The following TATDN2 variants were observed in gnomAD, a reference collection of about 807,000 sequenced individuals.
TATDN2 encodes the protein 3'-5' RNA nuclease TATDN2.
Under a neutral mutation model 60.3 loss-of-function variants are expected in TATDN2, and 44 were observed. The ratio of observed to expected loss-of-function variants is 0.73; its 90% CI spans 0.57 to 0.94. TATDN2 has a LOEUF of 0.94. Ranked by LOEUF, TATDN2 falls within the 40% of genes least tolerant of loss-of-function variation. TATDN2 has a pLI of 0.00. For missense variants in TATDN2, 997 were observed against 948.0 expected (o/e 1.05, Z -0.68); for synonymous variants, 399 against 355.8 (o/e 1.12, Z -1.37).
At chr3:10,253,648 G>A (rs995560849) in intron 2 of TATDN2, among the ~76,000 whole-genome samples, 4 of 152,242 alleles carry the variant, frequency 2.6e-5, no homozygotes, top group Admixed American at 2.0e-4. Context: ...ATTTGAGCAT[G>A]TATGATAAGG....
intron 4 of TATDN2, among the ~76,000 whole-genome samples, chr3:10,275,639 G>A (rs1036347521): frequency 7.2e-5 from 11 of 152,072 alleles, no homozygotes; most frequent in African/African-American, 1.4e-4. Flanking sequence ...CCAGCTACGC[G>A]GGAGGCTGAG....
intron 1 of TATDN2, 41 bp downstream of exon 1, chr3:10,249,108 C>G: frequency 5.5e-6 from 8 of 1,453,110 alleles, no homozygotes; most frequent in South Asian, 1.4e-5. Flanking sequence ...TATGTCTTGC[C>G]GTCCTCCTGG....
rs982671707 is a variant in TATDN2 at position 10,264,601 on chromosome 3, C to T, written c.948+3931C>T. ...ACCATCTATTTTATGCTTGGTCTTT[C>T]GGATGGAAATTCCAATTTTCTTTTC... On this transcript the variant is annotated intron_variant, in intron 3 of 7. Transcript: ENST00000448281. 4.6e-5 allele frequency among the ~76,000 whole-genome samples: 7 copies of T among 151,726 alleles called. No individual in the cohort carries two copies. In the East Asian group the frequency reaches 7.7e-4, roughly 17 times the overall value.
rs748552326 is a variant in TATDN2, at chr3:10,249,433, A to T, written c.233A>T (p.Asn78Ile). 6.8e-6 allele frequency: 11 copies of T among 1,613,812 alleles called. No homozygotes were observed. The South Asian group carries it at 1.2e-4, about 18-fold the overall frequency. The change falls in exon 2 of 8, where the codon AAT becomes ATT. Residue 78 changes from asparagine to isoleucine, a missense_variant. Asn to Ile is a moderately radical substitution (Grantham distance 149). Transcript: ENST00000448281. ...TCCTGGGGCTCATCCCGCCGCAGAA[A>T]TAACTCCTCCTCCTCCTTCTCCCCA... is the stretch of plus-strand genomic sequence containing the variant. ...RLSWGSSRRRNNSSSSFSPHF... is the reference protein window; with the variant it reads ...RLSWGSSRRRINSSSSFSPHF...
chr3:10,251,545 C>G (rs1698232463), intron 2 of TATDN2, among the ~76,000 whole-genome samples: 1 of 151,798 alleles, frequency 6.6e-6, no homozygotes, highest in African/African-American at 2.4e-5. Flanking sequence ...GCTACCGTGC[C>G]CAGCTGATCT....
At chr3:10,249,099 A>G in intron 1 of TATDN2, 32 bp downstream of exon 1, 2 of 1,411,510 alleles carry the variant, frequency 1.4e-6, no homozygotes, top group Non-Finnish European at 1.9e-6. Flanking sequence ...CTCTGCCCTT[A>G]TGTCTTGCCG....
At chr3:10,270,008 C>T (rs946371747) in intron 3 of TATDN2, 123 bp from the exon 4 acceptor site, 23 of 1,268,996 alleles carry the variant, frequency 1.8e-5, no homozygotes, top group Non-Finnish European at 2.5e-5. Flanking sequence ...GCTAATGAGC[C>T]AATGCAAAGC....
In TATDN2 at chr3:10,279,236, G is replaced by A. The variant is rs181664798; in HGVS notation, c.*54G>A. On this transcript the variant is annotated 3_prime_UTR_variant, in exon 8 of 8. Coordinates refer to ENST00000448281, the MANE Select transcript of TATDN2 (RefSeq NM_014760.4). The stretch of plus-strand genomic sequence containing the variant: ...CACCCTCCAGGGCGACCAGCAGCCT[G>A]ACAGAACACAGGCTGGCTTGAAGTC... 9.0e-4 allele frequency: 545 copies of A among 604,430 alleles called. 8 individuals are homozygous for A. The East Asian group carries it at 0.013, about 14-fold the overall frequency. 37.4% of individuals were successfully genotyped at this position (604,430 alleles called of 1,614,324 possible).
intron 4 of TATDN2, among the ~76,000 whole-genome samples, 196 bp from the exon 5 acceptor site, chr3:10,276,164 GC>G (rs374053771): frequency 2.0e-5 from 3 of 152,248 alleles, no homozygotes; most frequent in African/African-American, 7.2e-5. Flanking sequence ...TGTGAGGACT[GC>G]AGGTTATGAT....
At position 10,270,277 on chromosome 3, in the gene TATDN2, C is replaced by T. The variant is rs369739063; in HGVS notation, c.1095C>T (p.Thr365=). 56 of 1,614,068 alleles carry T rather than the reference C, an allele frequency of 3.5e-5. No individual in the cohort carries two copies. The highest frequency in any genetic ancestry group is 8.0e-5 in the African/African-American group (6 of 74,936). The change falls in exon 4 of 8, where the codon ACC becomes ACT. Residue 365 remains threonine (T), a synonymous_variant. Transcript: ENST00000448281. ...SAVPEPSSFT[T]DYVMYPPHLY... is the part of the protein sequence containing the mutation. ...TTCCGGAGCCTTCTTCCTTCACCAC[C>T]GACTATGTCATGTACCCTCCTCATT... is the stretch of plus-strand genomic sequence containing the variant.
chr3:10,276,412 A>G lies in TATDN2; in HGVS notation c.1885A>G (p.Ile629Val). The G allele has an allele frequency of 6.2e-7, 1 of 1,613,980 alleles. No homozygotes were observed. The highest frequency in any genetic ancestry group is 1.3e-5 in the African/African-American group (1 of 75,026). ...LAVSLKKPLV[I>V]HCREADEDLL... is the part of the protein sequence containing the mutation. ...TGTGTCTCTAAAGAAGCCCTTGGTGATCCACTGCCGAGAAGCTGATGAAGA... is the reference window on the plus strand; with the variant it reads ...TGTGTCTCTAAAGAAGCCCTTGGTGGTCCACTGCCGAGAAGCTGATGAAGA... Residue 629 changes from isoleucine to valine, a missense_variant, in exon 5 of 8, where the codon ATC becomes GTC. Ile to Val is a conservative substitution (Grantham distance 29). Coordinates refer to ENST00000448281, the MANE Select transcript of TATDN2 (RefSeq NM_014760.4).
rs762755485 is a variant in TATDN2, at chr3:10,260,506, A to G, written c.784A>G (p.Lys262Glu). ...ATPEVSMEEDKTVPERSSFYD... is the reference protein window; with the variant it reads ...ATPEVSMEEDETVPERSSFYD... Reference sequence around the variant, plus strand: ...CCCAGAGGTCAGCATGGAGGAGGATAAGACAGTGCCAGAGAGGAGCAGCTT... The same window carrying G: ...CCCAGAGGTCAGCATGGAGGAGGATGAGACAGTGCCAGAGAGGAGCAGCTT... The change falls in exon 3 of 8, where the codon AAG (lysine) becomes GAG (glutamate). Residue 262 changes from lysine (K) to glutamate (E), a missense_variant. By Grantham distance (56) the Lys-to-Glu change is moderately conservative (BLOSUM62 1). Coordinates refer to ENST00000448281, the MANE Select transcript of TATDN2 (RefSeq NM_014760.4). The G allele has an allele frequency of 2.1e-5, 34 of 1,613,976 alleles. No individual in the cohort carries two copies. The East Asian group carries it at 4.2e-4, about 20-fold the overall frequency.
At chr3:10,252,078 G>A (rs1386295370) in intron 2 of TATDN2, among the ~76,000 whole-genome samples, 1 of 146,622 alleles carries the variant, frequency 6.8e-6, no homozygotes, top group Non-Finnish European at 1.5e-5. Context: ...AACCCAGGAG[G>A]CAGAGCTTGC....
Position 10,278,106 on chromosome 3 carries a change from CGG to C in TATDN2, c.1962-170_1962-169del, listed in dbSNP as rs1162852790. ...TCTGATCACTCACCAAGTGCCATCT[CGG>C]GGCTTCCTGTGTTGGAGCCAGCCCT... On this transcript the variant is annotated intron_variant, in intron 5 of 7. Coordinates refer to ENST00000448281, the MANE Select transcript of TATDN2 (RefSeq NM_014760.4). This position sits in a 1 kb window ranked among gnomAD's most constrained non-coding sequence, Gnocchi z 4.7. 1.3e-5 allele frequency among the ~76,000 whole-genome samples: 2 copies of C among 151,988 alleles called. No homozygotes were observed. The highest frequency in any genetic ancestry group is 2.9e-5 in the Non-Finnish European group (2 of 67,998).
chr3:10,270,406 T>G lies in TATDN2; in HGVS notation c.1224T>G (p.Val408=). Residue 408 remains valine (V), a synonymous_variant, in exon 4 of 8, where the codon GTT becomes GTG. Transcript: ENST00000448281. ...GCAGCAGCAACGATGCAGCCCAGGT[T>G]GGGAAGAGCAGCCGGAGCCGCATGA... ...TGSSSNDAAQ[V]GKSSRSRMSD... 1 of 1,614,146 alleles carries G rather than the reference T, an allele frequency of 6.2e-7. No homozygotes were observed. The highest frequency in any genetic ancestry group is 8.5e-7 in the Non-Finnish European group (1 of 1,180,016).
At chr3:10,273,405 A>C (rs369348092) in intron 4 of TATDN2, among the ~76,000 whole-genome samples, 162 of 152,334 alleles carry the variant, frequency 1.1e-3, no homozygotes, top group African/African-American at 3.2e-3. Flanking sequence ...CTAAAAGAGC[A>C]GTTAGCAAGT....
intron 3 of TATDN2, among the ~76,000 whole-genome samples, chr3:10,266,540 CTG>C (rs2125177569): frequency 6.6e-6 from 1 of 152,308 alleles, no homozygotes; most frequent in South Asian, 2.1e-4. Context: ...CAGTTTCTTC[CTG>C]TGTGTAAAAT....
chr3:10,278,134 T>C lies in TATDN2; in HGVS notation c.1962-145T>C. ...GGCTTCCTGTGTTGGAGCCAGCCCT[T>C]GTCTGTGTTTACTGTGGAGTCCTTC... is the stretch of plus-strand genomic sequence containing the variant. On this transcript the variant is annotated intron_variant, in intron 5 of 7. Coordinates refer to ENST00000448281, the MANE Select transcript of TATDN2 (RefSeq NM_014760.4). This position sits in a 1 kb window ranked among gnomAD's most constrained non-coding sequence, Gnocchi z 4.7. The C allele has an allele frequency of 1.1e-6, 1 of 941,812 alleles. No homozygotes were observed. Among genetic ancestry groups the C allele is most frequent in the Non-Finnish European group, 1.6e-6 (1 of 624,558 alleles). The allele number at this position is 941,812 out of a possible 1,614,324, so 58.3% of individuals were successfully genotyped here.
intron 3 of TATDN2, among the ~76,000 whole-genome samples, chr3:10,265,019 C>CTTTTTTTTTTTTTTTCCTGTGCGTGGTT (rs550799457): frequency 1.3e-5 from 1 of 76,448 alleles, no homozygotes; most frequent in African/African-American, 5.8e-5. Context: ...TTTTTTTGGT[C>CTTTTTTTTTTTTTTTCCTGTGCGTGGTT]TTTTTTTTTT....
Sources: gnomAD v4.1 joint callset for allele counts (sites outside exome capture counted in the v4.1 genomes callset) on GRCh38, gnomAD v4.1.1 for gene constraint, Gnocchi (gnomAD v3.1) non-coding constraint, MANE v1.5 for transcripts, NCBI Gene and HGNC (gene_info 2026-07-23, HGNC 2026-07-21) for gene names.